Variants in GPC5 observed in about 807,000 individuals in gnomAD.
GPC5 encodes glypican 5, also known as glypican-5.
Under a neutral mutation model 53.9 loss-of-function variants are expected in GPC5, and 47 were observed. That is an observed-to-expected ratio of 0.87 (90% CI 0.69 to 1.11). The LOEUF is 1.11. Ranked by LOEUF, GPC5 falls within the 50% of genes most tolerant of loss-of-function variation. GPC5 has a pLI of 0.00. For missense variants in GPC5, 748 were observed against 713.1 expected (o/e 1.05, Z -0.56); for synonymous variants, 286 against 263.3 (o/e 1.09, Z -0.84).
At chr13:92,300,559 G>C (rs2043068622) in intron 7 of GPC5, among the ~76,000 whole-genome samples, 2 of 152,090 alleles carry the variant, frequency 1.3e-5, no homozygotes, top group Non-Finnish European at 2.9e-5. Context: ...GTCAAGAGAA[G>C]TTAATTCAAA....
chr13:92,369,134 T>G (rs1294642772), intron 7 of GPC5, among the ~76,000 whole-genome samples: 2 of 152,238 alleles, frequency 1.3e-5, no homozygotes, highest in African/African-American at 4.8e-5. Context: ...AAACATCAGC[T>G]GTGAATATAT....
intron 7 of GPC5, among the ~76,000 whole-genome samples, chr13:92,796,579 A>G (rs1876693497): frequency 6.6e-6 from 1 of 151,946 alleles, no homozygotes; most frequent in Non-Finnish European, 1.5e-5. Context: ...AACATTACCA[A>G]TCTTAGGGTA....
At chr13:92,140,478 T>G (rs2041822243) in intron 6 of GPC5, among the ~76,000 whole-genome samples, 1 of 152,208 alleles carries the variant, frequency 6.6e-6, no homozygotes, top group Non-Finnish European at 1.5e-5. Context: ...TAGACAAGAT[T>G]GCCTCCTGCA....
rs2042718578 is a variant in GPC5, at chr13:92,255,154, G to T, written c.1561+110165G>T. The stretch of plus-strand genomic sequence containing the variant: ...TGAGACTTGAGCATCCACGGATTTT[G>T]ATATTCTTGGGAGTCTTGCAACCAA... On this transcript the variant is annotated intron_variant, in intron 7 of 7. Transcript: ENST00000377067. Among the ~76,000 whole-genome samples, 5 of 152,110 alleles carry T rather than the reference G, an allele frequency of 3.3e-5. No individual in the cohort carries two copies. The South Asian group carries it at 1.0e-3, about 32-fold the overall frequency.
chr13:92,365,607 TTC>T (rs1329018139), intron 7 of GPC5, among the ~76,000 whole-genome samples: 2 of 151,828 alleles, frequency 1.3e-5, no homozygotes, highest in East Asian at 3.9e-4. Flanking sequence ...TAAAAAGATT[TTC>T]TGTCTTTATA....
intron 2 of GPC5, among the ~76,000 whole-genome samples, chr13:91,515,505 A>G (rs1885450254): frequency 6.6e-6 from 1 of 152,208 alleles, no homozygotes; most frequent in South Asian, 2.1e-4. Flanking sequence ...ACAGAGGCTA[A>G]CAGTGGTTAA....
At chr13:92,807,364 C>CA (rs561726750) in intron 7 of GPC5, among the ~76,000 whole-genome samples, 47 of 152,080 alleles carry the variant, frequency 3.1e-4, no homozygotes, top group South Asian at 1.5e-3. Flanking sequence ...GTAGCTTGTT[C>CA]ATAATATTAG....
chr13:91,648,686 T>A (rs2034621297), intron 2 of GPC5, among the ~76,000 whole-genome samples: 2 of 150,824 alleles, frequency 1.3e-5, no homozygotes, highest in African/African-American at 5.0e-5. Flanking sequence ...TTTTTTGCCA[T>A]AAAACATACA....
intron 7 of GPC5, among the ~76,000 whole-genome samples, chr13:92,310,036 C>T (rs1434154765): frequency 2.6e-5 from 4 of 152,104 alleles, no homozygotes; most frequent in Non-Finnish European, 5.9e-5. Flanking sequence ...TTTTGCTTAC[C>T]ATGATGTCCT....
At chr13:91,966,344 A>T (rs2040180707) in intron 6 of GPC5, among the ~76,000 whole-genome samples, 1 of 152,190 alleles carries the variant, frequency 6.6e-6, no homozygotes, top group East Asian at 1.9e-4. Flanking sequence ...GTCAGAAAAG[A>T]GATTCATTGT....
At chr13:92,815,357 G>C (rs1438900162) in intron 7 of GPC5, among the ~76,000 whole-genome samples, 1 of 151,926 alleles carries the variant, frequency 6.6e-6, no homozygotes, top group African/African-American at 2.4e-5. Context: ...AGACATAGAG[G>C]AGAGCCTGCC....
At chr13:92,007,900 T>C (rs898024163) in intron 6 of GPC5, among the ~76,000 whole-genome samples, 2 of 152,152 alleles carry the variant, frequency 1.3e-5, no homozygotes, top group African/African-American at 4.8e-5. Context: ...CCTTCACATA[T>C]GAGGACTCCA....
At chr13:91,455,936 T>C (rs1438308151) in intron 2 of GPC5, among the ~76,000 whole-genome samples, 1 of 152,114 alleles carries the variant, frequency 6.6e-6, no homozygotes, top group South Asian at 2.1e-4. Context: ...GACCACATAC[T>C]TTCAATAATT....
intron 2 of GPC5, among the ~76,000 whole-genome samples, chr13:91,680,066 T>C (rs540917818): frequency 3.3e-5 from 5 of 152,316 alleles, no homozygotes; most frequent in Admixed American, 1.3e-4. Context: ...CTGTATTTGC[T>C]GGTAGCAATT....
intron 7 of GPC5, among the ~76,000 whole-genome samples, chr13:92,565,057 G>T (rs534267679): frequency 1.3e-5 from 2 of 152,076 alleles, no homozygotes; most frequent in South Asian, 2.1e-4. Flanking sequence ...TCTTCTGGAA[G>T]GTAAAAATGC....
rs1593938210 is a variant in GPC5 at position 92,154,521 on chromosome 13, AGAT to A, written c.1561+9535_1561+9537del. Among the ~76,000 whole-genome samples, 4 of 152,322 alleles carry A rather than the reference AGAT, an allele frequency of 2.6e-5. No homozygotes were observed. The East Asian group carries it at 7.7e-4, about 29-fold the overall frequency. On this transcript the variant is annotated intron_variant, in intron 7 of 7. Coordinates refer to ENST00000377067, the MANE Select transcript of GPC5 (RefSeq NM_004466.6). ...AAATTGATTCCCTCCCTTTCTCAGA[AGAT>A]GACCAATTCTTTTATATACATTTAA...
intron 5 of GPC5, among the ~76,000 whole-genome samples, chr13:91,765,044 A>G (rs2037495489): frequency 6.6e-6 from 1 of 152,112 alleles, no homozygotes; most frequent in South Asian, 2.1e-4. Flanking sequence ...ATTCTAGCCC[A>G]TAGAAACCTT....
At chr13:92,162,089 T>C (rs2041993918) in intron 7 of GPC5, among the ~76,000 whole-genome samples, 1 of 143,788 alleles carries the variant, frequency 7.0e-6, no homozygotes, top group Non-Finnish European at 1.5e-5. Flanking sequence ...TCCATACCTT[T>C]ATGTTATGAG....
chr13:92,184,616 C>T (rs7986717), intron 7 of GPC5, among the ~76,000 whole-genome samples: 8,712 of 152,230 alleles, frequency 0.057, 865 homozygotes, highest in African/African-American at 0.2. Flanking sequence ...GGATTTAATT[C>T]TGTTAGGAAA....
Sources: gnomAD v4.1 joint callset for allele counts (sites outside exome capture counted in the v4.1 genomes callset) on GRCh38, gnomAD v4.1.1 for gene constraint, MANE v1.5 for transcripts, NCBI Gene and HGNC (gene_info 2026-07-23, HGNC 2026-07-21) for gene names.